PKP1: variants seen among roughly 807,000 people sequenced by gnomAD.
The protein encoded by PKP1 is plakophilin 1.
Under a neutral mutation model 76.4 loss-of-function variants are expected in PKP1, and 27 were observed. That is an observed-to-expected ratio of 0.35 (90% CI 0.26 to 0.49). PKP1 has a LOEUF of 0.49. PKP1 is among the 20% of genes least tolerant of loss of function. PKP1 has a pLI of 0.99. For missense variants in PKP1, 964 were observed against 955.2 expected (o/e 1.01, Z -0.12); for synonymous variants, 404 against 384.2 (o/e 1.05, Z -0.60).
intron 2 of PKP1, among the ~76,000 whole-genome samples, chr1:201,301,256 TCA>T (rs1241546434): frequency 2.0e-5 from 3 of 152,164 alleles, no homozygotes; most frequent in African/African-American, 7.2e-5. Context: ...GCTAAGGGAC[TCA>T]GTGTGGCAGC....
intron 1 of PKP1, among the ~76,000 whole-genome samples, chr1:201,288,361 T>C (rs576379596): frequency 2.0e-5 from 3 of 152,292 alleles, no homozygotes; most frequent in South Asian, 2.1e-4. Flanking sequence ...TCCTAACATA[T>C]TAAAAAGTCT....
At chr1:201,307,995 A>G (rs983648657) in intron 2 of PKP1, among the ~76,000 whole-genome samples, 1 of 152,132 alleles carries the variant, frequency 6.6e-6, no homozygotes, top group Non-Finnish European at 1.5e-5. Context: ...CTGCTGGCAG[A>G]AGCTTGGTTT....
chr1:201,302,391 A>G (rs923413606), intron 2 of PKP1, among the ~76,000 whole-genome samples: 1 of 152,176 alleles, frequency 6.6e-6, no homozygotes, highest in Non-Finnish European at 1.5e-5. Flanking sequence ...GAAGTGGGCC[A>G]AGCCTCTCCT....
At chr1:201,327,481 A>G (rs1273710651) in intron 12 of PKP1, among the ~76,000 whole-genome samples, 1 of 152,174 alleles carries the variant, frequency 6.6e-6, no homozygotes, top group Non-Finnish European at 1.5e-5. Flanking sequence ...TGCATTGAAG[A>G]TGGGCTTGGC....
chr1:201,323,289 G>A (rs143276183), intron 9 of PKP1, 100 bp downstream of exon 9: 21 of 1,155,858 alleles, frequency 1.8e-5, no homozygotes, highest in East Asian at 2.4e-5. Context: ...CCCTGACTTC[G>A]GAGCCTCCCA....
chr1:201,288,651 G>A (rs895047976), intron 1 of PKP1, among the ~76,000 whole-genome samples: 24 of 151,522 alleles, frequency 1.6e-4, no homozygotes, highest in African/African-American at 4.9e-4. Context: ...ACACACACAC[G>A]CACACTTAAT....
At chr1:201,288,104 C>T (rs899210684) in intron 1 of PKP1, among the ~76,000 whole-genome samples, 1 of 152,140 alleles carries the variant, frequency 6.6e-6, no homozygotes, top group African/African-American at 2.4e-5. Flanking sequence ...TGTGCTGTGT[C>T]AGGAGCCCAG....
chr1:201,316,458 G>A (rs916596937), intron 3 of PKP1, 95 bp from the exon 4 acceptor site: 3 of 1,339,634 alleles, frequency 2.2e-6, no homozygotes, highest in African/African-American at 1.4e-5. Flanking sequence ...GGCAGATGAG[G>A]CTGTGGCAGC....
In PKP1 at chr1:201,299,295, G is replaced by A. The variant is rs543176366; in HGVS notation, c.306+5250G>A. 4.6e-5 allele frequency among the ~76,000 whole-genome samples: 7 copies of A among 152,304 alleles called. No homozygotes were observed. The East Asian group carries it at 1.2e-3, about 25-fold the overall frequency. ...AAGTTCTTAATCTAGCTGAACCTCAGCTTGCTTATCTCTGAAATGGATGAA... is the reference window on the plus strand; with the variant it reads ...AAGTTCTTAATCTAGCTGAACCTCAACTTGCTTATCTCTGAAATGGATGAA... On this transcript the variant is annotated intron_variant, in intron 2 of 13. Transcript: ENST00000367324.
chr1:201,293,891 T>A (rs1275383122), intron 1 of PKP1, 51 bp from the exon 2 acceptor site: 3 of 1,201,830 alleles, frequency 2.5e-6, no homozygotes. Context: ...GGAACAGGGG[T>A]GGATGAAGAT....
At chr1:201,283,942 T>G in intron 1 of PKP1, 38 bp downstream of exon 1, 1 of 1,575,428 alleles carries the variant, frequency 6.3e-7, no homozygotes. Flanking sequence ...TGCGCCCCTT[T>G]CCAGAGCACC....
At chr1:201,318,874 C>T (rs1017819693) in intron 6 of PKP1, 79 bp downstream of exon 6, 3 of 1,222,376 alleles carry the variant, frequency 2.5e-6, no homozygotes, top group Non-Finnish European at 3.5e-6. Context: ...AGCCAACATT[C>T]AGCCGGTGCA....
chr1:201,296,501 G>C (rs10920165), intron 2 of PKP1, among the ~76,000 whole-genome samples: 3,098 of 152,256 alleles, frequency 0.02, 117 homozygotes, highest in African/African-American at 0.071. Context: ...CATATTTTCA[G>C]GAGCTTCTGA....
intron 8 of PKP1, 94 bp from the exon 9 acceptor site, chr1:201,322,919 G>A (rs1571562398): frequency 5.8e-6 from 8 of 1,368,638 alleles, no homozygotes; most frequent in South Asian, 1.3e-5. Flanking sequence ...CTGGAACCAC[G>A]ACCCTGAGGC....
At chr1:201,319,975 G>C in intron 6 of PKP1, 1 of 1,319,474 alleles carries the variant, frequency 7.6e-7, no homozygotes, top group Non-Finnish European at 1.1e-6. Flanking sequence ...GAAGAACTGA[G>C]TGCAAATGAG....
At chr1:201,309,316 C>T in intron 2 of PKP1, among the ~76,000 whole-genome samples, 1 of 151,894 alleles carries the variant, frequency 6.6e-6, no homozygotes, top group East Asian at 1.9e-4. Context: ...AAGCAGGCGG[C>T]AAAGCGGGGA....
chr1:201,324,715 G>A, intron 10 of PKP1, 134 bp downstream of exon 10: 1 of 1,213,166 alleles, frequency 8.2e-7, no homozygotes, highest in Non-Finnish European at 1.2e-6. Context: ...CCAAAGACAG[G>A]TATGGAGACA....
At position 201,324,696 on chromosome 1, in the gene PKP1, G is replaced by A. The variant is rs567063672; in HGVS notation, c.1834+115G>A. 7.7e-4 allele frequency: 1,053 copies of A among 1,368,464 alleles called. 20 individuals carry two copies. The South Asian group carries it at 0.012, about 16-fold the overall frequency. 84.8% of individuals were successfully genotyped at this position (1,368,464 alleles called of 1,614,324 possible). A position where few individuals can be genotyped will look rare whatever the true frequency, so the allele number is the denominator to read the frequency against. ...TCCCTGGGATGAGCATTCCAAGAAA[G>A]GAAGCTGGCCAAAGACAGGTATGGA... On this transcript the variant is annotated intron_variant, in intron 10 of 13. Coordinates refer to ENST00000367324, the MANE Select transcript of PKP1 (RefSeq NM_001005337.3).
chr1:201,317,675 G>C lies in PKP1; in HGVS notation c.950G>C (p.Arg317Thr). ...GGGGCCCTGCGCAACCTGGTGTTCA[G>C]GAGCACCACCAACAAGCTGGAGACC... ...AAGALRNLVF[R>T]STTNKLETRR... Residue 317 changes from arginine (R) to threonine (T), a missense_variant, in exon 5 of 14, where the codon AGG becomes ACG. By Grantham distance (71) the Arg-to-Thr change is moderately conservative. Transcript: ENST00000367324. 6.2e-7 allele frequency: 1 copy of C among 1,613,906 alleles called. No homozygotes were observed. Among genetic ancestry groups the C allele is most frequent in the Non-Finnish European group, 8.5e-7 (1 of 1,179,890 alleles).
Sources: allele counts gnomAD v4.1 joint callset (sites outside exome capture counted in the v4.1 genomes callset), GRCh38; gene constraint gnomAD v4.1.1; transcripts MANE v1.5; gene names NCBI Gene and HGNC (gene_info 2026-07-23, HGNC 2026-07-21).